SYNE1: variants seen among roughly 807,000 people sequenced by gnomAD.
SYNE1 encodes nesprin-1.
A neutral mutation model predicts 1,111.0 loss-of-function variants in SYNE1; 616 were observed. The observed-to-expected ratio is 0.55, with a 90% CI of 0.52 to 0.59. SYNE1 has a LOEUF of 0.59. Among genes scored for constraint, SYNE1 ranks in the 20% least tolerant of loss-of-function variants. The probability of loss-of-function intolerance (pLI) is 0.00; values close to 1 mark genes in which losing one functional copy is unlikely to be tolerated. For synonymous variants in SYNE1, 3,855 were observed against 3,825.8 expected (o/e 1.01, Z -0.28); for missense variants, 10,006 against 10,417.0 (o/e 0.96, Z 1.72).
chr6:152,552,850 T>C (rs1040808645), intron 3 of SYNE1, among the ~76,000 whole-genome samples: 5 of 152,114 alleles, frequency 3.3e-5, no homozygotes, highest in Non-Finnish European at 7.4e-5. Flanking sequence ...TAATAGAAGA[T>C]CTACTGGACT....
chr6:152,267,065 T>C (rs1278246585), intron 100 of SYNE1, among the ~76,000 whole-genome samples: 1 of 152,198 alleles, frequency 6.6e-6, no homozygotes, highest in Non-Finnish European at 1.5e-5. Context: ...TTGGTTAAGA[T>C]TATATATGTA....
intron 11 of SYNE1, among the ~76,000 whole-genome samples, chr6:152,498,181 A>G (rs549646586): frequency 6.6e-6 from 1 of 152,352 alleles, no homozygotes; most frequent in African/African-American, 2.4e-5. Context: ...GAAATATGGG[A>G]CATGCATTCA....
intron 76 of SYNE1, chr6:152,335,373 T>G (rs1393249934): frequency 6.6e-6 from 1 of 152,246 alleles, no homozygotes; most frequent in Non-Finnish European, 1.5e-5. Context: ...CATAAGTGAT[T>G]GTGATTTAAA....
chr6:152,439,557 T>C (rs1276558105), intron 32 of SYNE1, among the ~76,000 whole-genome samples: 3 of 152,178 alleles, frequency 2.0e-5, no homozygotes, highest in Admixed American at 1.3e-4. Flanking sequence ...ATTAAAATAA[T>C]GTTCTATTTA....
intron 20 of SYNE1, chr6:152,462,423 C>CTTT (rs1396170654): frequency 1.1e-5 from 5 of 456,844 alleles, no homozygotes; most frequent in Non-Finnish European, 1.9e-5. Context: ...GCAATAAATC[C>CTTT]TTTATTATTG....
Position 152,154,901 on chromosome 6 carries a change from C to A in SYNE1, c.24120G>T (p.Lys8040Asn). The change falls in exon 133 of 146, where the codon AAG (lysine) becomes AAT (asparagine). Residue 8040 changes from lysine to asparagine, a missense_variant. Physicochemically the swap from Lys to Asn is moderately conservative, Grantham distance 94 (BLOSUM62 0). Around this residue, in one of 7 missense-constraint regions of SYNE1, gnomAD observed 2,182 missense variants for 2,287.8 expected, o/e 0.95. Transcript: ENST00000367255. ...TGGAATTATAGATTACCTCAAATTTCTTTAGTTCTTCCTTGGCAACTGTAT... is the reference window on the plus strand; with the variant it reads ...TGGAATTATAGATTACCTCAAATTTATTTAGTTCTTCCTTGGCAACTGTAT... ...VIYTVAKEEL[K>N]KFEAFQRQVH... 1 of 1,614,086 alleles carries A rather than the reference C, an allele frequency of 6.2e-7. No individual in the cohort carries two copies. The highest frequency in any genetic ancestry group is 8.5e-7 in the Non-Finnish European group (1 of 1,180,016).
intron 8 of SYNE1, among the ~76,000 whole-genome samples, chr6:152,506,776 C>T (rs2099060493): frequency 6.6e-6 from 1 of 152,046 alleles, no homozygotes; most frequent in South Asian, 2.1e-4. Flanking sequence ...TATTATTCAT[C>T]ATGTTGGCCA....
In SYNE1 at chr6:152,352,369, A is replaced by G; in HGVS notation, c.11254-16T>C. ...TGAGCAAAACCTGAAAAAGAGAGTG[A>G]GTAGGAGCAAAGGTAGTCTTGTTTC... On this transcript the variant is annotated splice_polypyrimidine_tract_variant and intron_variant, in intron 69 of 145. Transcript: ENST00000367255. 6.2e-7 allele frequency: 1 copy of G among 1,611,746 alleles called. No individual in the cohort carries two copies. Among genetic ancestry groups the G allele is most frequent in the Non-Finnish European group, 8.5e-7 (1 of 1,178,416 alleles).
chr6:152,221,013 C>G lies in SYNE1; in HGVS notation c.21690G>C (p.Gln7230His). 1 of 1,614,156 alleles carries G rather than the reference C, an allele frequency of 6.2e-7. No homozygotes were observed. The change falls in exon 119 of 146, where the codon CAG (glutamine) becomes CAC (histidine). Residue 7230 changes from glutamine (Q) to histidine (H), a missense_variant. Gln to His is a conservative substitution (Grantham distance 24). Coordinates refer to ENST00000367255, the MANE Select transcript of SYNE1 (RefSeq NM_182961.4). The part of the protein sequence containing the change: ...WNNLLEEIAE[Q>H]LQSSKALLQL... ...GAAGTAGGGCCTTGCTGGACTGTAGCTGCTCAGCAATCTCTTCCAGCAAGT... is the reference window on the plus strand; with the variant it reads ...GAAGTAGGGCCTTGCTGGACTGTAGGTGCTCAGCAATCTCTTCCAGCAAGT...
chr6:152,182,341 A>G (rs891168762), intron 128 of SYNE1, among the ~76,000 whole-genome samples: 5 of 152,246 alleles, frequency 3.3e-5, no homozygotes, highest in African/African-American at 1.2e-4. Flanking sequence ...GTTCTTCCAC[A>G]GTCTTGTTCA....
intron 3 of SYNE1, among the ~76,000 whole-genome samples, chr6:152,559,962 A>G (rs1236066617): frequency 6.6e-6 from 1 of 152,250 alleles, no homozygotes; most frequent in Non-Finnish European, 1.5e-5. Flanking sequence ...ATAAGGGATC[A>G]TAAGAGAATA....
At chr6:152,509,759 A>T (rs2099075725) in intron 8 of SYNE1, among the ~76,000 whole-genome samples, 1 of 129,384 alleles carries the variant, frequency 7.7e-6, no homozygotes, top group Non-Finnish European at 1.7e-5. Flanking sequence ...TCAGAACATA[A>T]AAAAAAAATG....
At chr6:152,524,366 G>A (rs1426662899) in intron 5 of SYNE1, among the ~76,000 whole-genome samples, 1 of 152,070 alleles carries the variant, frequency 6.6e-6, no homozygotes, top group Non-Finnish European at 1.5e-5. Flanking sequence ...ACTTGCATAT[G>A]TCAATAAACA....
rs544389093 is a variant in SYNE1 at position 152,391,819 on chromosome 6, G to T, written c.7713-251C>A. 1.8e-4 allele frequency among the ~76,000 whole-genome samples: 27 copies of T among 152,214 alleles called. 1 individual carries two copies. The South Asian group carries it at 5.6e-3, about 32-fold the overall frequency. ...GTGCCTGCATCCAAATAGCAGTGGT[G>T]GAGCCTACTGTATTACTTACTGTAT... On this transcript the variant is annotated intron_variant, in intron 51 of 145. Coordinates refer to ENST00000367255, the MANE Select transcript of SYNE1 (RefSeq NM_182961.4).
rs138454656 is a variant in SYNE1, at chr6:152,376,060, G to A, written c.9324+321C>T. 222 of 247,510 alleles carry A rather than the reference G, an allele frequency of 9.0e-4. 1 individual carries two copies. The highest frequency in any genetic ancestry group is 4.6e-3 in the African/African-American group (203 of 44,360). 15.3% of individuals were successfully genotyped at this position (247,510 alleles called of 1,614,324 possible). A position where few individuals can be genotyped will look rare whatever the true frequency, so the allele number is the denominator to read the frequency against. On this transcript the variant is annotated intron_variant, in intron 58 of 145. Coordinates refer to ENST00000367255, the MANE Select transcript of SYNE1 (RefSeq NM_182961.4). ...GGGGTGGGGCAGGGGGGATGGTTTC[G>A]GGATGAAACTGTTCTACCTCAGATC...
intron 50 of SYNE1, among the ~76,000 whole-genome samples, chr6:152,396,505 T>G (rs535021399): frequency 6.6e-6 from 1 of 152,292 alleles, no homozygotes; most frequent in Non-Finnish European, 1.5e-5. Context: ...TATATATTGG[T>G]GAACCAAATA....
chr6:152,446,259 G>A (rs1000135591), intron 29 of SYNE1, among the ~76,000 whole-genome samples: 6 of 151,912 alleles, frequency 3.9e-5, no homozygotes, highest in African/African-American at 1.5e-4. Context: ...CACCAAAAGA[G>A]GGAAGGAAAG....
chr6:152,283,523 T>TTTTGTTTG (rs1039410283), intron 96 of SYNE1, among the ~76,000 whole-genome samples: 1 of 152,056 alleles, frequency 6.6e-6, no homozygotes, highest in African/African-American at 2.4e-5. Flanking sequence ...GACTGTTTTG[T>TTTTGTTTG]TTTGTTTGTT....
At chr6:152,452,012 G>GA (rs3830848) in intron 25 of SYNE1, among the ~76,000 whole-genome samples, 22,512 of 141,628 alleles carry the variant, frequency 0.16, 1,910 homozygotes, top group East Asian at 0.43. Flanking sequence ...AAAAAGAAAA[G>GA]AAAAAAAAAA....
Sources: allele counts gnomAD v4.1 joint callset (sites outside exome capture counted in the v4.1 genomes callset), GRCh38; gene constraint gnomAD v4.1.1; regional missense constraint gnomAD v4.1.1; transcripts MANE v1.5; gene names NCBI Gene and HGNC (gene_info 2026-07-23, HGNC 2026-07-21).